The following INTS12 variants were observed in gnomAD, a reference collection of about 807,000 sequenced individuals.
INTS12 encodes integrator complex subunit 12.
A neutral mutation model predicts 41.6 loss-of-function variants in INTS12; 13 were observed. The ratio of observed to expected loss-of-function variants is 0.31; its 90% CI spans 0.20 to 0.50. INTS12 has a LOEUF of 0.50. Among genes scored for constraint, INTS12 ranks in the 20% least tolerant of loss-of-function variants. The pLI is 0.98. For missense variants in INTS12, 432 were observed against 541.6 expected, an observed-to-expected ratio of 0.80 and a Z score of 2.01; for synonymous variants, 199 against 191.4, an observed-to-expected ratio of 1.04 and a Z score of -0.33.
chr4:105,699,277 T>TTATCA (rs1168581240), intron 3 of INTS12, among the ~76,000 whole-genome samples: 1 of 152,202 alleles, frequency 6.6e-6, no homozygotes, highest in African/African-American at 2.4e-5. Context: ...ACGTTGTCTA[T>TTATCA]TATCATCACA....
At chr4:105,685,145 C>T (rs940309799) in intron 7 of INTS12, among the ~76,000 whole-genome samples, 1 of 151,962 alleles carries the variant, frequency 6.6e-6, no homozygotes, top group African/African-American at 2.4e-5. Flanking sequence ...AAGACATTTG[C>T]TTTTTATATG....
At chr4:105,686,186 C>T (rs1731492019) in intron 7 of INTS12, among the ~76,000 whole-genome samples, 1 of 152,128 alleles carries the variant, frequency 6.6e-6, no homozygotes, top group South Asian at 2.1e-4. Flanking sequence ...CCTCAGCCTC[C>T]CAAGTAGCTG....
At chr4:105,687,032 TAAACAGTA>T in intron 6 of INTS12, 194 bp from the exon 7 acceptor site, 1 of 577,450 alleles carries the variant, frequency 1.7e-6, no homozygotes, top group Non-Finnish European at 3.0e-6. Context: ...TATTAGTTTC[TAAACAGTA>T]AAGATAATAT....
intron 2 of INTS12, among the ~76,000 whole-genome samples, chr4:105,702,414 G>T (rs1030369403): frequency 6.6e-6 from 1 of 151,986 alleles, no homozygotes; most frequent in Non-Finnish European, 1.5e-5. Flanking sequence ...GGGATTACAG[G>T]CGTGAGCCAC....
chr4:105,690,416 G>A (rs546021993), intron 6 of INTS12, among the ~76,000 whole-genome samples: 1 of 152,220 alleles, frequency 6.6e-6, no homozygotes, highest in South Asian at 2.1e-4. Context: ...TAATGGATTT[G>A]TGGAACAGGG....
Position 105,683,099 on chromosome 4 carries a change from T to A in INTS12, c.1023A>T (p.Lys341Asn). The A allele has an allele frequency of 1.2e-6, 2 of 1,614,122 alleles. No individual in the cohort carries two copies. The highest frequency in any genetic ancestry group is 1.7e-6 in the Non-Finnish European group (2 of 1,179,972). ...VGLTGLATSS[K>N]GGIGSKIGSN... ...AACCTATTTTGGAACCTATTCCACCTTTGGATGATGTTGCCAGACCAGTCA... is the reference window on the plus strand; with the variant it reads ...AACCTATTTTGGAACCTATTCCACCATTGGATGATGTTGCCAGACCAGTCA... The change falls in exon 8 of 8, where the codon AAA becomes AAT. Residue 341 changes from lysine to asparagine, a missense_variant. Transcript: ENST00000340139.
rs934960265 is a variant in INTS12, at chr4:105,693,500, G to C, written c.310-14C>G. On this transcript the variant is annotated splice_polypyrimidine_tract_variant and intron_variant, in intron 4 of 7. Coordinates refer to ENST00000340139, the MANE Select transcript of INTS12 (RefSeq NM_020395.4). ...GTCTGATTTCATCTATAAAAAGCAGGCATCAGAAAATGATAAAGTAATGTG... is the reference window on the plus strand; with the variant it reads ...GTCTGATTTCATCTATAAAAAGCAGCCATCAGAAAATGATAAAGTAATGTG... 1.4e-5 allele frequency: 22 copies of C among 1,593,952 alleles called. No individual in the cohort carries two copies. Among genetic ancestry groups the C allele is most frequent in the Non-Finnish European group, 1.7e-5 (20 of 1,164,436 alleles).
chr4:105,700,706 AACACACACACACACACACACACAC>A (rs767514862), intron 2 of INTS12, among the ~76,000 whole-genome samples: 1 of 134,752 alleles, frequency 7.4e-6, no homozygotes, highest in Non-Finnish European at 1.6e-5. Flanking sequence ...ATCTACTTAA[AACACACACACACACACACACACAC>A]ACACACACAC....
chr4:105,704,192 T>A (rs891108367), intron 1 of INTS12, among the ~76,000 whole-genome samples: 1 of 152,216 alleles, frequency 6.6e-6, no homozygotes, highest in Non-Finnish European at 1.5e-5. Context: ...TTTGTCCCAC[T>A]ATTCCATGAA....
chr4:105,693,482 T>C lies in INTS12; in HGVS notation c.314A>G (p.Lys105Arg). 1 of 1,607,684 alleles carries C rather than the reference T, an allele frequency of 6.2e-7. No individual in the cohort carries two copies. The highest frequency in any genetic ancestry group is 8.5e-7 in the Non-Finnish European group (1 of 1,174,976). Residue 105 changes from lysine to arginine, a missense_variant, in exon 5 of 8, where the codon AAA becomes AGA. Coordinates refer to ENST00000340139, the MANE Select transcript of INTS12 (RefSeq NM_020395.4). ...EAEKRPADKM[K>R]SDITEGVDIP... ...ATCAACTCCTTCAGTGATGTCTGAT[T>C]TCATCTATAAAAAGCAGGCATCAGA...
intron 4 of INTS12, among the ~76,000 whole-genome samples, chr4:105,695,053 C>A (rs1578386330): frequency 4.5e-5 from 6 of 132,500 alleles, no homozygotes; most frequent in Admixed American, 7.8e-5. Context: ...CACCCGCCCA[C>A]AAACAGCTGG....
chr4:105,692,492 A>G (rs1731726425), intron 5 of INTS12, among the ~76,000 whole-genome samples: 1 of 151,316 alleles, frequency 6.6e-6, no homozygotes, highest in Non-Finnish European at 1.5e-5. Flanking sequence ...TCAAAAAAAA[A>G]AAAAAAAAAA....
intron 1 of INTS12, chr4:105,708,341 T>G (rs1164999165): frequency 1.0e-6 from 1 of 985,416 alleles, no homozygotes; most frequent in Non-Finnish European, 1.2e-6. Flanking sequence ...GGGAGCTACG[T>G]AGAGAAGTCA....
intron 7 of INTS12, among the ~76,000 whole-genome samples, chr4:105,686,315 C>CA (rs1731495602): frequency 6.6e-6 from 1 of 152,170 alleles, no homozygotes; most frequent in Non-Finnish European, 1.5e-5. Context: ...TCTCAAACTC[C>CA]TGACCTCAGG....
chr4:105,688,387 G>C (rs1731567314), intron 6 of INTS12, among the ~76,000 whole-genome samples: 1 of 151,988 alleles, frequency 6.6e-6, no homozygotes, highest in Non-Finnish European at 1.5e-5. Context: ...GTGTAATCTT[G>C]GGCTACTGTT....
intron 4 of INTS12, among the ~76,000 whole-genome samples, chr4:105,694,813 C>T (rs1731802872): frequency 6.6e-6 from 1 of 152,152 alleles, no homozygotes. Context: ...ATGTAGAAAT[C>T]ATCTAAAAAT....
At chr4:105,696,372 AAT>A (rs1208132482) in intron 3 of INTS12, among the ~76,000 whole-genome samples, 1 of 152,120 alleles carries the variant, frequency 6.6e-6, no homozygotes, top group Admixed American at 6.5e-5. Context: ...CATATAGAAA[AAT>A]ATGTCTCCCA....
At chr4:105,698,029 A>G (rs1050078832) in intron 3 of INTS12, among the ~76,000 whole-genome samples, 1 of 152,194 alleles carries the variant, frequency 6.6e-6, no homozygotes, top group Non-Finnish European at 1.5e-5. Context: ...CAGCCTGGGT[A>G]ACACAGTGAG....
intron 2 of INTS12, 67 bp from the exon 3 acceptor site, chr4:105,700,081 T>C: frequency 4.3e-6 from 5 of 1,152,408 alleles, no homozygotes; most frequent in South Asian, 2.5e-5. Context: ...AGTTTTACTT[T>C]TCTGTTTTTT....
Sources: allele counts gnomAD v4.1 joint callset (sites outside exome capture counted in the v4.1 genomes callset), GRCh38; gene constraint gnomAD v4.1.1; transcripts MANE v1.5; gene names NCBI Gene and HGNC (gene_info 2026-07-23, HGNC 2026-07-21).